BSG: variants seen among roughly 807,000 people sequenced by gnomAD.
BSG encodes basigin (Ok blood group).
Under a neutral mutation model 43.1 loss-of-function variants are expected in BSG, and 37 were observed. The observed-to-expected ratio is 0.86, with a 90% CI of 0.66 to 1.13. BSG has a LOEUF of 1.13. BSG is among the 50% of genes most tolerant of loss of function. The pLI is 0.00. For synonymous variants in BSG, 309 were observed against 238.7 expected, an observed-to-expected ratio of 1.29 and a Z score of -2.72; for missense variants, 599 against 554.2, an observed-to-expected ratio of 1.08 and a Z score of -0.81.
intron 1 of BSG, among the ~76,000 whole-genome samples, chr19:574,115 C>T (rs941538697): frequency 6.6e-6 from 1 of 151,670 alleles, no homozygotes; most frequent in East Asian, 1.9e-4. Context: ...ATTAGCTGGG[C>T]GTGTTGGCGC....
Position 581,527 on chromosome 19 carries a change from G to A in BSG, c.1005G>A (p.Val335=). ...CCTTCCTGGGCATCGTGGCTGAGGT[G>A]CTGGTGCTGGTCACCATCATCTTCA... is the stretch of plus-strand genomic sequence containing the variant. The part of the protein sequence containing the change: ...LWPFLGIVAE[V]LVLVTIIFIY... Residue 335 remains valine (V), a synonymous_variant, in exon 6 of 9, where the codon GTG becomes GTA. Coordinates refer to ENST00000333511, the MANE Select transcript of BSG (RefSeq NM_001728.4). The A allele has an allele frequency of 6.3e-7, 1 of 1,596,712 alleles. No individual in the cohort carries two copies. The highest frequency in any genetic ancestry group is 8.5e-7 in the Non-Finnish European group (1 of 1,172,584).
intron 6 of BSG, among the ~76,000 whole-genome samples, chr19:581,993 C>T (rs889618506): frequency 6.6e-6 from 1 of 152,264 alleles, no homozygotes; most frequent in African/African-American, 2.4e-5. Context: ...CCTTGGGCTG[C>T]GTGTGCCGGG....
rs934948486 is a variant in BSG, at chr19:582,959, C to T, written c.*215C>T. The T allele has an allele frequency of 8.4e-6, 2 of 237,022 alleles. No individual in the cohort carries two copies. The highest frequency in any genetic ancestry group is 1.1e-4 in the East Asian group (1 of 9,034). The allele number at this position is 237,022 out of a possible 1,614,324, so 14.7% of individuals were successfully genotyped here. A position where few individuals can be genotyped will look rare whatever the true frequency, so the allele number is the denominator to read the frequency against. On this transcript the variant is annotated 3_prime_UTR_variant, in exon 9 of 9. Coordinates refer to ENST00000333511, the MANE Select transcript of BSG (RefSeq NM_001728.4). Reference sequence around the variant, plus strand: ...CCTTCTGAAGTGTTTCACGAGAGCCCGGGAGCTGCTGCCCTGCGGCCCCGT... The same window carrying T: ...CCTTCTGAAGTGTTTCACGAGAGCCTGGGAGCTGCTGCCCTGCGGCCCCGT...
chr19:578,006 G>A lies in BSG; in HGVS notation c.300G>A (p.Glu100=), dbSNP rs767881928. 1.2e-6 allele frequency: 2 copies of A among 1,612,136 alleles called. No individual in the cohort carries two copies. Among genetic ancestry groups the A allele is most frequent in the South Asian group, 1.1e-5 (1 of 90,950 alleles). The part of the protein sequence containing the change: ...ASTISIDTLV[E]EDTGTYECRA... ...CCATCTCCATCGACACGCTCGTGGA[G>A]GAGGACACGGGCACTTACGAGTGCC... The change falls in exon 2 of 9, where the codon GAG becomes GAA. Residue 100 remains glutamate, a synonymous_variant. Transcript: ENST00000333511.
intron 3 of BSG, 74 bp downstream of exon 3, chr19:579,730 G>T (rs553131488): frequency 7.2e-6 from 11 of 1,536,654 alleles, no homozygotes. Flanking sequence ...CCTGTGGTCC[G>T]TGAGAACAAA....
intron 1 of BSG, among the ~76,000 whole-genome samples, chr19:575,635 C>T (rs980441205): frequency 5.7e-5 from 8 of 139,700 alleles, no homozygotes; most frequent in Non-Finnish European, 1.1e-4. Context: ...TGGGGGCGGG[C>T]AGCCTTATCC....
chr19:571,889 G>A (rs28915398), upstream of BSG: 26,240 of 439,802 alleles, frequency 0.06, 1,152 homozygotes, highest in Admixed American at 0.14. Flanking sequence ...GAAAGAAGAA[G>A]GGGGTAAGGT....
chr19:579,162 C>T, intron 2 of BSG: 2 of 487,702 alleles, frequency 4.1e-6, no homozygotes, highest in Non-Finnish European at 8.1e-6. Context: ...CACCCTGGTC[C>T]CAGCCTCGTG....
intron 1 of BSG, among the ~76,000 whole-genome samples, chr19:577,279 T>C (rs1981860704): frequency 6.6e-6 from 1 of 152,164 alleles, no homozygotes; most frequent in Non-Finnish European, 1.5e-5. Context: ...CAGAGATTGC[T>C]GAGGACACGA....
intron 1 of BSG, 75 bp downstream of exon 1, chr19:572,776 C>T: frequency 1.5e-6 from 2 of 1,312,372 alleles, no homozygotes; most frequent in Non-Finnish European, 2.0e-6. Flanking sequence ...GACCCGAAGC[C>T]GACGGGAGCC....
chr19:574,792 T>A (rs1425312776), intron 1 of BSG, among the ~76,000 whole-genome samples: 1 of 152,198 alleles, frequency 6.6e-6, no homozygotes, highest in Non-Finnish European at 1.5e-5. Context: ...TGGCCCTTTA[T>A]CGAATGTCTC....
At chr19:582,376 T>G in intron 7 of BSG, 46 bp downstream of exon 7, 2 of 1,562,576 alleles carry the variant, frequency 1.3e-6, no homozygotes, top group Non-Finnish European at 1.7e-6. Flanking sequence ...AGCGGCCTGC[T>G]GCCCCAGGCC....
intron 1 of BSG, among the ~76,000 whole-genome samples, chr19:574,730 G>A (rs183006206): frequency 8.5e-5 from 13 of 152,308 alleles, no homozygotes; most frequent in African/African-American, 3.1e-4. Context: ...CAGAGGCTTT[G>A]CCAGCTAACT....
At chr19:579,072 A>G in intron 2 of BSG, 1 of 458,450 alleles carries the variant, frequency 2.2e-6, no homozygotes, top group South Asian at 1.5e-5. Flanking sequence ...AAGAATTTCC[A>G]GTTTGTGCTG....
intron 1 of BSG, among the ~76,000 whole-genome samples, chr19:577,436 G>C (rs7245585): frequency 0.64 from 97,446 of 151,820 alleles, 33,792 homozygotes; most frequent in African/African-American, 0.91. Flanking sequence ...TCAGAGGACG[G>C]TGCGCTTGGG....
chr19:571,437 C>G (rs1294185802), upstream of BSG: 2 of 741,606 alleles, frequency 2.7e-6, no homozygotes, highest in Non-Finnish European at 5.0e-6. Flanking sequence ...CGACTTTTCT[C>G]ACCGTGGTCG....
chr19:580,280 C>A, intron 3 of BSG, 99 bp from the exon 4 acceptor site: 1 of 1,122,228 alleles, frequency 8.9e-7, no homozygotes, highest in Non-Finnish European at 1.3e-6. Context: ...GACAGTTTTG[C>A]TTTTTCACTG....
At chr19:573,584 G>A (rs1981486566) in intron 1 of BSG, among the ~76,000 whole-genome samples, 1 of 152,124 alleles carries the variant, frequency 6.6e-6, no homozygotes, top group South Asian at 2.1e-4. Context: ...TGCGTGGAAG[G>A]GAAGGCGGAA....
chr19:573,432 C>G (rs1200205598), intron 1 of BSG, among the ~76,000 whole-genome samples: 2 of 152,228 alleles, frequency 1.3e-5, no homozygotes, highest in African/African-American at 4.8e-5. Flanking sequence ...CACATGGAGG[C>G]TCTGAGTGGG....
Sources: gnomAD v4.1 joint callset for allele counts (sites outside exome capture counted in the v4.1 genomes callset) on GRCh38, gnomAD v4.1.1 for gene constraint, MANE v1.5 for transcripts, NCBI Gene and HGNC (gene_info 2026-07-23, HGNC 2026-07-21) for gene names.